PCDHA5: variants seen among roughly 807,000 people sequenced by gnomAD.
PCDHA5 encodes the protein protocadherin alpha 5.
In PCDHA5, 43 loss-of-function variants were observed where a neutral mutation model predicts 61.6. The observed-to-expected ratio is 0.70, with a 90% CI of 0.55 to 0.90. The LOEUF (loss-of-function observed/expected upper bound fraction) is 0.90, where lower values mean the gene tolerates loss of function less well. Among genes scored for constraint, PCDHA5 ranks in the 40% least tolerant of loss-of-function variants. The pLI is 0.00. For missense variants in PCDHA5, 1,298 were observed against 1,222.7 expected, an observed-to-expected ratio of 1.06 and a Z score of -0.92; for synonymous variants, 627 against 543.9, an observed-to-expected ratio of 1.15 and a Z score of -2.13.
intron 1 of PCDHA5, chr5:140,868,190 A>G (rs1315604501): frequency 7.2e-5 from 11 of 152,160 alleles, no homozygotes; most frequent in African/African-American, 1.2e-4. Context: ...TTATGCTACT[A>G]TGGCTTACAT....
intron 1 of PCDHA5, chr5:140,836,879 C>T: frequency 1.5e-6 from 1 of 674,888 alleles, no homozygotes; most frequent in South Asian, 2.5e-5. Flanking sequence ...TGTATTTGCA[C>T]TAATTATTTG....
chr5:140,886,927 G>T (rs1191029252), intron 1 of PCDHA5, among the ~76,000 whole-genome samples: 1 of 151,236 alleles, frequency 6.6e-6, no homozygotes, highest in Non-Finnish European at 1.5e-5. Flanking sequence ...TTCTCTATGT[G>T]CCAGGCATGT....
intron 1 of PCDHA5, among the ~76,000 whole-genome samples, chr5:140,838,633 T>C (rs1417814088): frequency 6.6e-6 from 1 of 151,988 alleles, no homozygotes; most frequent in Non-Finnish European, 1.5e-5. Flanking sequence ...AATAATTTGG[T>C]TGGTCAAAAA....
At chr5:140,894,151 A>G (rs1554185957) in intron 1 of PCDHA5, among the ~76,000 whole-genome samples, 1 of 152,034 alleles carries the variant, frequency 6.6e-6, no homozygotes, top group Non-Finnish European at 1.5e-5. Flanking sequence ...CTTCTATGTA[A>G]TTATCCCTGA....
intron 1 of PCDHA5, chr5:140,837,228 C>T (rs1388432907): frequency 6.6e-6 from 1 of 152,156 alleles, no homozygotes; most frequent in African/African-American, 2.4e-5. Context: ...TTAAGCATTT[C>T]TTTTACATCT....
At chr5:140,870,631 C>G (rs1554164498) in intron 1 of PCDHA5, 5 of 1,612,864 alleles carry the variant, frequency 3.1e-6, no homozygotes, top group Middle Eastern at 1.7e-4. Flanking sequence ...CGTGTCGGTG[C>G]ACGCGGAGAG....
rs1441365634 is a variant in PCDHA5, at chr5:140,822,733, G to T, written c.958G>T (p.Asp320Tyr). 3 of 1,613,118 alleles carry T rather than the reference G, an allele frequency of 1.9e-6. No individual in the cohort carries two copies. In the African/African-American group the frequency reaches 4.0e-5, roughly 22 times the overall value. Residue 320 changes from aspartate to tyrosine, a missense_variant, in exon 1 of 4, where the codon GAT becomes TAT. Physicochemically the swap from Asp to Tyr is radical, Grantham distance 160. Coordinates refer to ENST00000529859, the MANE Select transcript of PCDHA5 (RefSeq NM_018908.3). ...CTATAACTCATATGAAATTAATATT[G>T]ATGCCATGGATAAAAGTACATTCCC... is the stretch of plus-strand genomic sequence containing the variant. ...EDYNSYEINI[D>Y]AMDKSTFPLS...
intron 1 of PCDHA5, chr5:140,870,786 G>T: frequency 6.2e-7 from 1 of 1,613,634 alleles, no homozygotes; most frequent in East Asian, 2.2e-5. Context: ...ACGACAACGC[G>T]CCGGCACTGC....
chr5:140,880,646 C>A (rs782457852), intron 1 of PCDHA5, among the ~76,000 whole-genome samples: 1 of 152,060 alleles, frequency 6.6e-6, no homozygotes, highest in Non-Finnish European at 1.5e-5. Context: ...ACTTGAGAGC[C>A]CAACTGAGGT....
chr5:140,869,244 C>A (rs782454826), intron 1 of PCDHA5: 1 of 1,613,658 alleles, frequency 6.2e-7, no homozygotes. Flanking sequence ...TCGTGGGCCG[C>A]ATCGCGCAGG....
rs147693617 is a variant in PCDHA5 at position 140,830,361 on chromosome 5, G to T, written c.2352+6234G>T. ...TCGTACTCGCAGCAGAGGCGGCAGA[G>T]GGTGTGCTCCGGGGAGGGCCCACCC... On this transcript the variant is annotated intron_variant, in intron 1 of 3. Transcript: ENST00000529859. 2.5e-6 allele frequency: 4 copies of T among 1,614,008 alleles called. No homozygotes were observed. The African/African-American group carries it at 5.3e-5, about 22-fold the overall frequency.
intron 1 of PCDHA5, chr5:140,857,589 G>T (rs1554150286): frequency 6.3e-7 from 1 of 1,596,564 alleles, no homozygotes; most frequent in Non-Finnish European, 8.6e-7. Flanking sequence ...GCGGAGAGCG[G>T]CAAGGTGTAC....
chr5:140,885,371 C>T (rs2153409645), intron 1 of PCDHA5, among the ~76,000 whole-genome samples: 1 of 152,182 alleles, frequency 6.6e-6, no homozygotes, highest in East Asian at 1.9e-4. Flanking sequence ...CTGAAAGTAC[C>T]TTTTGGCAGT....
chr5:140,954,673 CTT>C (rs1173553071), intron 1 of PCDHA5, among the ~76,000 whole-genome samples: 2 of 152,076 alleles, frequency 1.3e-5, no homozygotes, highest in South Asian at 4.1e-4. Flanking sequence ...GGATATTAGA[CTT>C]TTGTCAGATG....
chr5:140,966,957 C>T lies in PCDHA5; in HGVS notation c.2353-11992C>T, dbSNP rs868948639. 4 of 1,602,884 alleles carry T rather than the reference C, an allele frequency of 2.5e-6. No individual in the cohort carries two copies. The African/African-American group carries it at 4.0e-5, about 16-fold the overall frequency. ...GCGCTCGTGGGCAACGTGGCTCGCG[C>T]GCTGGGGCTTGAGCTGCGGCGCTTG... On this transcript the variant is annotated intron_variant, in intron 1 of 3. Transcript: ENST00000529859.
At chr5:140,908,602 G>T (rs542051868) in intron 1 of PCDHA5, among the ~76,000 whole-genome samples, 67 of 152,202 alleles carry the variant, frequency 4.4e-4, no homozygotes, top group African/African-American at 1.3e-3. Context: ...AAGATGGAAG[G>T]GCCTTGCTCC....
intron 1 of PCDHA5, chr5:140,858,289 T>G: frequency 6.3e-7 from 1 of 1,597,184 alleles, no homozygotes; most frequent in African/African-American, 1.3e-5. Context: ...GGAGCTGGTC[T>G]TACTCGCAGC....
At chr5:140,838,382 C>T (rs189980882) in intron 1 of PCDHA5, among the ~76,000 whole-genome samples, 2 of 151,494 alleles carry the variant, frequency 1.3e-5, no homozygotes, top group East Asian at 3.9e-4. Flanking sequence ...CCTCAGCCTC[C>T]CAATGTGCTG....
intron 3 of PCDHA5, among the ~76,000 whole-genome samples, chr5:141,007,567 CA>C (rs1489201842): frequency 6.6e-6 from 1 of 151,954 alleles, no homozygotes; most frequent in Non-Finnish European, 1.5e-5. Flanking sequence ...GGCTCTATCT[CA>C]AATTTAAAAA....
Sources: allele counts gnomAD v4.1 joint callset (sites outside exome capture counted in the v4.1 genomes callset), GRCh38; gene constraint gnomAD v4.1.1; transcripts MANE v1.5; gene names NCBI Gene and HGNC (gene_info 2026-07-23, HGNC 2026-07-21).